Variants in TRPM5 observed in about 807,000 individuals in gnomAD.
TRPM5 encodes MLSN1 and TRP-related.
In TRPM5, 121 loss-of-function variants were observed where a neutral mutation model predicts 124.9. That is an observed-to-expected ratio of 0.97 (90% CI 0.84 to 1.13). The LOEUF (loss-of-function observed/expected upper bound fraction) is 1.13. Among genes scored for constraint, TRPM5 ranks in the 50% most tolerant of loss-of-function variants. The probability of loss-of-function intolerance (pLI) is 0.00; values close to 1 mark genes in which losing one functional copy is unlikely to be tolerated. For missense variants in TRPM5, 1,643 were observed against 1,589.1 expected (o/e 1.03, Z -0.58); for synonymous variants, 781 against 700.5 (o/e 1.11, Z -1.81).
the TRPM5 span, among the ~76,000 whole-genome samples, chr11:2,433,845 CTG>C: frequency 6.6e-6 from 1 of 152,098 alleles, no homozygotes; most frequent in Admixed American, 6.5e-5. Context: ...TGTAGCTGCA[CTG>C]TGTGTGCGGA....
chr11:2,428,440 GTGATGGTGGTGGTGGTGA>G, the TRPM5 span, among the ~76,000 whole-genome samples: 1 of 152,212 alleles, frequency 6.6e-6, no homozygotes, highest in Non-Finnish European at 1.5e-5. This position sits in a 1 kb window ranked among gnomAD's most constrained non-coding sequence, Gnocchi z 4.0. Context: ...ACGGGTGAAG[GTGATGGTGGTGGTGGTGA>G]TGATGGTGGC....
upstream of TRPM5, among the ~76,000 whole-genome samples, chr11:2,425,563 T>C (rs1410731333): frequency 6.6e-6 from 1 of 151,136 alleles, no homozygotes; most frequent in East Asian, 1.9e-4. Flanking sequence ...TCGCCCCATC[T>C]GGGAGGACAC....
chr11:2,420,032 A>G (rs1048116225), intron 4 of TRPM5, among the ~76,000 whole-genome samples, 190 bp downstream of exon 9: 3 of 151,084 alleles, frequency 2.0e-5, no homozygotes, highest in Non-Finnish European at 4.4e-5. Context: ...CTGCCCAGAC[A>G]GCTCCTCCTC....
upstream of TRPM5, among the ~76,000 whole-genome samples, chr11:2,427,039 C>G (rs947349058): frequency 6.6e-6 from 1 of 152,214 alleles, no homozygotes; most frequent in Non-Finnish European, 1.5e-5. Context: ...ATCCAGAGCC[C>G]GTGGGGCTGG....
Position 2,411,622 on chromosome 11 carries a change from C to CCT in TRPM5, c.2607+12_2607+13insAG. The CCT allele has an allele frequency of 6.2e-7, 1 of 1,610,716 alleles. No individual in the cohort carries two copies. The highest frequency in any genetic ancestry group is 8.5e-7 in the Non-Finnish European group (1 of 1,179,372). Reference sequence around the variant, plus strand: ...TCCCTCCAGGGCCAGGGCCAGGGCCCCCGGGGGCTCACCATGCGCTCTACC... The same window carrying CCT: ...TCCCTCCAGGGCCAGGGCCAGGGCCCCTCCGGGGGCTCACCATGCGCTCTACC... On this transcript the variant is annotated intron_variant, in intron 17 of 23. Coordinates refer to ENST00000155858, the Ensembl canonical transcript of TRPM5.
chr11:2,407,986 T>TA, intron 18 of TRPM5, 74 bp from the exon 24 acceptor site: 1 of 1,562,158 alleles, frequency 6.4e-7, no homozygotes, highest in East Asian at 2.2e-5. Flanking sequence ...TGCCCCGAGA[T>TA]AGAGCGCTGA....
At chr11:2,406,394 G>C (rs945523954) in intron 21 of TRPM5, among the ~76,000 whole-genome samples, 2 of 152,112 alleles carry the variant, frequency 1.3e-5, no homozygotes, top group Non-Finnish European at 2.9e-5. Context: ...CTGGAGGGAA[G>C]CCAGGGGTGG....
chr11:2,431,393 A>G, the TRPM5 span, among the ~76,000 whole-genome samples: 74 of 152,284 alleles, frequency 4.9e-4, no homozygotes, highest in African/African-American at 1.7e-3. Flanking sequence ...GCCCTACAGC[A>G]GGTTCTGCCA....
At position 2,411,491 on chromosome 11, in the gene TRPM5, G is replaced by C; in HGVS notation, c.2643C>G (p.Ser881Arg). The C allele has an allele frequency of 6.2e-7, 1 of 1,610,638 alleles. No homozygotes were observed. ...TGACACCGTAGGCCACGAGCCACACGCTCAGAAAGAAGAGGAAGAAGAAGA... is the reference window on the plus strand; with the variant it reads ...TGACACCGTAGGCCACGAGCCACACCCTCAGAAAGAAGAGGAAGAAGAAGA... Residue 881 changes from serine to arginine, a missense_variant, in exon 18 of 24, where the codon AGC becomes AGG. Coordinates refer to ENST00000155858, the Ensembl canonical transcript of TRPM5.
intron 3 of TRPM5, among the ~76,000 whole-genome samples, chr11:2,420,741 T>C (rs1356300580): frequency 6.6e-6 from 1 of 152,190 alleles, no homozygotes; most frequent in Non-Finnish European, 1.5e-5. Flanking sequence ...CCCTCGGTAG[T>C]GCCTTAGACA....
At chr11:2,405,160 C>G in intron 23 of TRPM5, 117 bp from the exon 29 acceptor site, 1 of 799,186 alleles carries the variant, frequency 1.3e-6, no homozygotes, top group Non-Finnish European at 2.0e-6. Context: ...GAGTGAGTCC[C>G]CACAGGCCAG....
chr11:2,428,758 G>T, the TRPM5 span, among the ~76,000 whole-genome samples: 1 of 151,782 alleles, frequency 6.6e-6, no homozygotes, highest in African/African-American at 2.4e-5. This position sits in a 1 kb window ranked among gnomAD's most constrained non-coding sequence, Gnocchi z 4.0. Flanking sequence ...GCTGATAAAG[G>T]TGGTGATGAT....
intron 22 of TRPM5, 148 bp from the exon 28 acceptor site, chr11:2,405,741 G>T: frequency 1.1e-6 from 1 of 906,528 alleles, no homozygotes; most frequent in East Asian, 2.7e-5. Context: ...GCAGGGGTGA[G>T]TGAGGCTCCC....
chr11:2,433,086 G>A, the TRPM5 span, among the ~76,000 whole-genome samples: 1 of 152,234 alleles, frequency 6.6e-6, no homozygotes, highest in African/African-American at 2.4e-5. Flanking sequence ...TGCCACTGCT[G>A]TCTCGGCACC....
chr11:2,437,274 G>A, the TRPM5 span, among the ~76,000 whole-genome samples: 2 of 152,192 alleles, frequency 1.3e-5, no homozygotes, highest in Non-Finnish European at 2.9e-5. This position sits in a 1 kb window ranked among gnomAD's most constrained non-coding sequence, Gnocchi z 5.6. Context: ...GAGGAGGTGG[G>A]GTACACCCAA....
At chr11:2,422,867 C>T in intron 1 of TRPM5, 53 bp downstream of exon 6, 2 of 1,513,694 alleles carry the variant, frequency 1.3e-6, no homozygotes, top group Non-Finnish European at 1.8e-6. Context: ...AATGGGGCCT[C>T]ATGGGTTCCA....
the TRPM5 span, among the ~76,000 whole-genome samples, chr11:2,443,214 G>T: frequency 3.3e-5 from 5 of 152,254 alleles, no homozygotes; most frequent in East Asian, 5.8e-4. This position sits in a 1 kb window ranked among gnomAD's most constrained non-coding sequence, Gnocchi z 5.0. Context: ...TCTCGTGTGC[G>T]GTGAGATGGA....
downstream of TRPM5, among the ~76,000 whole-genome samples, chr11:2,404,223 G>A (rs566725720): frequency 1.3e-5 from 2 of 152,348 alleles, no homozygotes; most frequent in South Asian, 2.1e-4. Flanking sequence ...GGAGGCTGGG[G>A]TGAGTGGGCA....
the TRPM5 span, among the ~76,000 whole-genome samples, chr11:2,444,180 C>G: frequency 6.6e-6 from 1 of 152,072 alleles, no homozygotes; most frequent in Non-Finnish European, 1.5e-5. Context: ...TCCCATCTCA[C>G]CCTCCCGGTC....
Sources: gnomAD v4.1 joint callset for allele counts (sites outside exome capture counted in the v4.1 genomes callset) on GRCh38, gnomAD v4.1.1 for gene constraint, Gnocchi (gnomAD v3.1) non-coding constraint, MANE v1.5 for transcripts, NCBI Gene and HGNC (gene_info 2026-07-23, HGNC 2026-07-21) for gene names.